PIGN: variants seen among roughly 807,000 people sequenced by gnomAD.
The protein encoded by PIGN is GPI ethanolamine phosphate transferase 1.
In PIGN, 117 loss-of-function variants were observed where a neutral mutation model predicts 125.4. The ratio of observed to expected loss-of-function variants is 0.93; its 90% CI spans 0.80 to 1.09. The LOEUF is 1.09. PIGN is among the 50% of genes least tolerant of loss of function. The probability of loss-of-function intolerance (pLI) is 0.00; values close to 1 mark genes in which losing one functional copy is unlikely to be tolerated. For synonymous variants in PIGN, 392 were observed against 377.8 expected, an observed-to-expected ratio of 1.04 and a Z score of -0.44; for missense variants, 1,075 against 1,094.9, an observed-to-expected ratio of 0.98 and a Z score of 0.26.
At chr18:62,018,364 C>T (rs1024513270) in intron 23 of PIGN, among the ~76,000 whole-genome samples, 3 of 152,210 alleles carry the variant, frequency 2.0e-5, no homozygotes, top group African/African-American at 7.2e-5. Context: ...GGAACGATTC[C>T]GTTTGATCCG....
At chr18:62,050,613 G>C (rs1205689215) in intron 30 of PIGN, among the ~76,000 whole-genome samples, 3 of 151,716 alleles carry the variant, frequency 2.0e-5, no homozygotes, top group African/African-American at 7.2e-5. Context: ...GAGACAGTGG[G>C]GTTTTCTAGA....
chr18:62,167,813 CAT>C (rs895599119), intron 1 of PIGN, among the ~76,000 whole-genome samples: 12 of 152,122 alleles, frequency 7.9e-5, no homozygotes, highest in East Asian at 3.9e-4. Context: ...CAACTTTTCA[CAT>C]GTTTAATGGA....
chr18:62,082,231 T>G (rs1226195458), intron 28 of PIGN, among the ~76,000 whole-genome samples: 2 of 152,258 alleles, frequency 1.3e-5, no homozygotes, highest in Middle Eastern at 3.4e-3. Flanking sequence ...ACTGAGTATA[T>G]TTTTGACATG....
chr18:62,164,675 G>A (rs567676986), intron 1 of PIGN, among the ~76,000 whole-genome samples: 73 of 152,240 alleles, frequency 4.8e-4, no homozygotes, highest in African/African-American at 1.6e-3. Flanking sequence ...GGGTGGGGAC[G>A]CAGAGCCAAA....
At position 62,044,037 on chromosome 18, in the gene PIGN, G is replaced by C. The variant is rs554809003; in HGVS notation, c.*1819C>G. ...CTTGTTCCCATGTGAGTCTGAAGGGGCCAGTTACGGTGCAGCAAGGCGAGC... is the reference window on the plus strand; with the variant it reads ...CTTGTTCCCATGTGAGTCTGAAGGGCCCAGTTACGGTGCAGCAAGGCGAGC... On this transcript the variant is annotated 3_prime_UTR_variant, in exon 31 of 31. Transcript: ENST00000640252. The C allele has an allele frequency of 6.6e-6, 1 of 152,254 alleles. No individual in the cohort carries two copies. Among genetic ancestry groups the C allele is most frequent in the South Asian group, 2.1e-4 (1 of 4,828 alleles). The allele number at this position is 152,254 out of a possible 1,614,324, so 9.4% of individuals were successfully genotyped here. A position where few individuals can be genotyped will look rare whatever the true frequency, so the allele number is the denominator to read the frequency against.
intron 25 of PIGN, among the ~76,000 whole-genome samples, chr18:62,086,048 C>T (rs549631014): frequency 2.6e-5 from 4 of 152,114 alleles, no homozygotes; most frequent in African/African-American, 4.8e-5. Flanking sequence ...AGTGATTCAA[C>T]GAATCATCTA....
chr18:62,063,909 C>T (rs2032349751), intron 30 of PIGN, among the ~76,000 whole-genome samples: 1 of 125,592 alleles, frequency 8.0e-6, no homozygotes, highest in Non-Finnish European at 1.6e-5. Flanking sequence ...TAGGAAACAT[C>T]ACACACTGAG....
chr18:62,021,094 T>C (rs1299271250), intron 23 of PIGN, among the ~76,000 whole-genome samples: 1 of 152,202 alleles, frequency 6.6e-6, no homozygotes, highest in African/African-American at 2.4e-5. Context: ...TTTGGAAATT[T>C]CTTTTTAAAA....
intron 17 of PIGN, among the ~76,000 whole-genome samples, chr18:62,109,587 AAAG>A (rs990848353): frequency 6.6e-6 from 1 of 152,210 alleles, no homozygotes; most frequent in African/African-American, 2.4e-5. Context: ...AAAGATACAC[AAAG>A]AAGTGAACAC....
chr18:62,068,858 C>T (rs1281810249), intron 30 of PIGN, among the ~76,000 whole-genome samples: 2 of 152,194 alleles, frequency 1.3e-5, no homozygotes, highest in East Asian at 1.9e-4. Context: ...GTAAGCCCCA[C>T]ACTTGCAGTG....
At chr18:62,149,713 G>A (rs189301371) in intron 7 of PIGN, among the ~76,000 whole-genome samples, 12 of 152,184 alleles carry the variant, frequency 7.9e-5, no homozygotes, top group Non-Finnish European at 1.0e-4. Flanking sequence ...ACATAAGGGC[G>A]GGAACTCCAG....
chr18:62,085,746 C>G (rs2033668789), intron 25 of PIGN, among the ~76,000 whole-genome samples: 1 of 152,154 alleles, frequency 6.6e-6, no homozygotes, highest in Admixed American at 6.5e-5. Flanking sequence ...TAGAGAATGA[C>G]ACATGAGAAA....
In PIGN at chr18:62,114,572, A is replaced by T. The variant is rs548412299; in HGVS notation, c.1240T>A (p.Phe414Ile). 7 of 1,516,930 alleles carry T rather than the reference A, an allele frequency of 4.6e-6. No individual in the cohort carries two copies. In the South Asian group the frequency reaches 7.2e-5, roughly 16 times the overall value. 94.0% of individuals were successfully genotyped at this position (1,516,930 alleles called of 1,614,324 possible). ...GCCGGTATACTTACCACTTCATCAAACTTTCTGTGTTTTATATAAGATCTT... is the reference window on the plus strand; with the variant it reads ...GCCGGTATACTTACCACTTCATCAATCTTTCTGTGTTTTATATAAGATCTT... ...KARSYIKHRK[F>I]DEVVSLCKEL... The change falls in exon 15 of 31, where the codon TTT (phenylalanine) becomes ATT (isoleucine). Residue 414 changes from phenylalanine to isoleucine, a missense_variant. By Grantham distance (21) the Phe-to-Ile change is conservative. This residue lies in a region of PIGN where 915 missense variants were observed against 908.7 expected (regional missense o/e 1.01). Coordinates refer to ENST00000640252, the MANE Select transcript of PIGN (RefSeq NM_176787.5).
chr18:62,125,330 G>A (rs2035494346), intron 14 of PIGN, among the ~76,000 whole-genome samples: 1 of 151,828 alleles, frequency 6.6e-6, no homozygotes, highest in African/African-American at 2.4e-5. Context: ...AACTTTGTAA[G>A]TTGCATTTTG....
chr18:62,186,614 G>A (rs1044539642), intron 1 of PIGN, among the ~76,000 whole-genome samples: 1 of 152,202 alleles, frequency 6.6e-6, no homozygotes, highest in African/African-American at 2.4e-5. Flanking sequence ...CTGAGAAGTC[G>A]TGCTGTCGCT....
Position 62,045,773 on chromosome 18 carries a change from T to A in PIGN, c.*83A>T. On this transcript the variant is annotated 3_prime_UTR_variant, in exon 31 of 31. Transcript: ENST00000640252. Reference sequence around the variant, plus strand: ...GAGTAGAATATACTATATATCCATATCCATCTTCTTATTGAAGCCTTGATG... The same window carrying A: ...GAGTAGAATATACTATATATCCATAACCATCTTCTTATTGAAGCCTTGATG... 2 of 1,339,136 alleles carry A rather than the reference T, an allele frequency of 1.5e-6. No individual in the cohort carries two copies. The highest frequency in any genetic ancestry group is 1.3e-5 in the South Asian group (1 of 79,000). The allele number at this position is 1,339,136 out of a possible 1,614,324, so 83.0% of individuals were successfully genotyped here.
intron 30 of PIGN, among the ~76,000 whole-genome samples, chr18:62,065,001 A>G (rs1210047625): frequency 6.6e-6 from 1 of 152,248 alleles, no homozygotes; most frequent in African/African-American, 2.4e-5. Flanking sequence ...CAGAAGGGAT[A>G]AAGGAAAGCC....
chr18:62,172,143 C>T (rs1423455133), intron 1 of PIGN, among the ~76,000 whole-genome samples: 3 of 152,058 alleles, frequency 2.0e-5, no homozygotes, highest in African/African-American at 4.8e-5. Context: ...TACAGATAAA[C>T]ACATATAGAT....
intron 1 of PIGN, among the ~76,000 whole-genome samples, chr18:62,177,429 G>A (rs62096120): frequency 0.16 from 24,916 of 151,884 alleles, 2,702 homozygotes; most frequent in Middle Eastern, 0.28. Context: ...ACTTCCTTTA[G>A]TTCTTTGTCT....
Sources: allele counts gnomAD v4.1 joint callset (sites outside exome capture counted in the v4.1 genomes callset), GRCh38; gene constraint gnomAD v4.1.1; regional missense constraint gnomAD v4.1.1; transcripts MANE v1.5; gene names NCBI Gene and HGNC (gene_info 2026-07-23, HGNC 2026-07-21).